PFKM: variants seen among roughly 807,000 people sequenced by gnomAD.
PFKM encodes phosphofructokinase, muscle.
Under a neutral mutation model 95.5 loss-of-function variants are expected in PFKM, and 58 were observed. The ratio of observed to expected loss-of-function variants is 0.61; its 90% confidence interval spans 0.49 to 0.76. PFKM has a LOEUF of 0.76. Ranked by LOEUF, PFKM falls within the 30% of genes least tolerant of loss-of-function variation. The pLI is 0.00. For missense variants in PFKM, 678 were observed against 1,005.4 expected (o/e 0.67, Z 4.40); for synonymous variants, 336 against 357.2 (o/e 0.94, Z 0.67).
intron 2 of PFKM, among the ~76,000 whole-genome samples, chr12:48,129,538 TC>T (rs1012955953): frequency 2.0e-5 from 3 of 152,194 alleles, no homozygotes; most frequent in Non-Finnish European, 4.4e-5. Flanking sequence ...CACCAATTCT[TC>T]CTGCACACTT....
intron 3 of PFKM, chr12:48,108,228 A>G (rs1225611249): frequency 1.3e-6 from 2 of 1,586,840 alleles, no homozygotes; most frequent in African/African-American, 1.3e-5. Context: ...AGAAATGTTC[A>G]AAGGAATATG....
At chr12:48,123,811 G>T (rs1201296976) in intron 2 of PFKM, among the ~76,000 whole-genome samples, 1 of 152,020 alleles carries the variant, frequency 6.6e-6, no homozygotes, top group Non-Finnish European at 1.5e-5. Flanking sequence ...TCTTACATAA[G>T]GCACATAAAT....
At position 48,140,200 on chromosome 12, in the gene PFKM, T is replaced by C. The variant is rs1277923041; in HGVS notation, c.1191+288T>C. The stretch of plus-strand genomic sequence containing the variant: ...TGGGAAAGAGGGCTTATGTACTTTT[T>C]CTCTGGGAAAATATGGGAATAATCA... On this transcript the variant is annotated intron_variant, in intron 13 of 22. Transcript: ENST00000359794. Among the ~76,000 whole-genome samples, 5 of 152,176 alleles carry C rather than the reference T, an allele frequency of 3.3e-5. No homozygotes were observed. The East Asian group carries it at 9.6e-4, about 29-fold the overall frequency.
chr12:48,123,480 G>A (rs1384960179), intron 2 of PFKM, among the ~76,000 whole-genome samples: 5 of 152,066 alleles, frequency 3.3e-5, no homozygotes, highest in Non-Finnish European at 4.4e-5. Context: ...TGGGAGTCAC[G>A]AAAATTAGGT....
At chr12:48,110,276 T>G (rs541687488) in intron 3 of PFKM, among the ~76,000 whole-genome samples, 1 of 151,534 alleles carries the variant, frequency 6.6e-6, no homozygotes, top group South Asian at 2.1e-4. Flanking sequence ...AGCGGGAGAG[T>G]GAACTGTACA....
intron 5 of PFKM, 93 bp downstream of exon 5, chr12:48,133,150 A>G: frequency 1.5e-6 from 2 of 1,368,890 alleles, no homozygotes; most frequent in Non-Finnish European, 2.1e-6. Flanking sequence ...TTTACCTCCC[A>G]TTGGAGAAAA....
At chr12:48,134,058 G>A (rs1018641098) in intron 6 of PFKM, among the ~76,000 whole-genome samples, 174 bp from the exon 7 acceptor site, 5 of 152,102 alleles carry the variant, frequency 3.3e-5, no homozygotes, top group African/African-American at 4.8e-5. Context: ...GGCCTAGGAA[G>A]GATACCTTGT....
Position 48,145,887 on chromosome 12 carries a change from T to C in PFKM, c.*179T>C. 1 of 633,060 alleles carries C rather than the reference T, an allele frequency of 1.6e-6. No individual in the cohort carries two copies. The highest frequency in any genetic ancestry group is 1.9e-5 in the South Asian group (1 of 52,084). 39.2% of individuals were successfully genotyped at this position (633,060 alleles called of 1,614,324 possible). A position where few individuals can be genotyped will look rare whatever the true frequency, so the allele number is the denominator to read the frequency against. ...GAGCAGGCAGTGGGTGGGAGCTCCT[T>C]TTAGGTAGAATTTAACATGACTTCT... On this transcript the variant is annotated 3_prime_UTR_variant, in exon 23 of 23. Coordinates refer to ENST00000359794, the MANE Select transcript of PFKM (RefSeq NM_000289.6). The surrounding 1 kb of genome is among the most constrained non-coding windows in gnomAD (Gnocchi z 4.3).
chr12:48,116,704 C>T (rs1304063324), upstream of PFKM, among the ~76,000 whole-genome samples: 2 of 152,186 alleles, frequency 1.3e-5, no homozygotes, highest in East Asian at 3.9e-4. Flanking sequence ...GTCTTAAATT[C>T]CGGAGCTCAA....
intron 11 of PFKM, among the ~76,000 whole-genome samples, chr12:48,139,027 C>T (rs762177116): frequency 6.6e-6 from 1 of 151,940 alleles, no homozygotes; most frequent in Non-Finnish European, 1.5e-5. Flanking sequence ...GGCGACAGAG[C>T]GAGACTCCGT....
At chr12:48,122,700 C>T (rs1182878556) in intron 1 of PFKM, 67 bp from the exon 2 acceptor site, 3 of 1,608,648 alleles carry the variant, frequency 1.9e-6, no homozygotes, top group Non-Finnish European at 8.5e-7. Context: ...AGTCTAATTG[C>T]CGTTCCTTTA....
chr12:48,111,906 A>C (rs1394717769), intron 3 of PFKM, among the ~76,000 whole-genome samples: 1 of 152,192 alleles, frequency 6.6e-6, no homozygotes, highest in Non-Finnish European at 1.5e-5. Flanking sequence ...TGTAAGGAAG[A>C]AAATAGATTT....
In PFKM at chr12:48,129,210, CTTTTTTTTTTT is replaced by C. The variant is rs778761447; in HGVS notation, c.86-1130_86-1120del. Among the ~76,000 whole-genome samples, 120 of 21,996 alleles carry C rather than the reference CTTTTTTTTTTT, an allele frequency of 5.5e-3. 1 individual carries two copies. The Middle Eastern group carries it at 0.12, about 23-fold the overall frequency. The allele number at this position is 21,996 out of a possible 152,430, so 14.4% of individuals were successfully genotyped here. ...GTTCTGTTTTGTTTTAATTTTCTTT[CTTTTTTTTTTT>C]TTTTTTTTTTTTTTTTTTTTTTACA... On this transcript the variant is annotated intron_variant, in intron 2 of 22. Transcript: ENST00000359794.
chr12:48,134,718 C>G lies in PFKM; in HGVS notation c.639-3C>G, dbSNP rs767215320. On this transcript the variant is annotated splice_polypyrimidine_tract_variant and splice_region_variant and intron_variant, in intron 7 of 22. Coordinates refer to ENST00000359794, the MANE Select transcript of PFKM (RefSeq NM_000289.6). ...AGCAGGATGCTTCTGACTCTCATCT[C>G]AGATACCTGGCCCTTGTCACCTCTC... is the stretch of plus-strand genomic sequence containing the variant. 9 of 1,604,808 alleles carry G rather than the reference C, an allele frequency of 5.6e-6. No homozygotes were observed. The highest frequency in any genetic ancestry group is 7.7e-6 in the Non-Finnish European group (9 of 1,171,444).
chr12:48,135,001 A>G lies in PFKM; in HGVS notation c.806A>G (p.Lys269Arg), dbSNP rs1565891681. 1.2e-6 allele frequency: 2 copies of G among 1,613,904 alleles called. No homozygotes were observed. The highest frequency in any genetic ancestry group is 1.7e-6 in the Non-Finnish European group (2 of 1,179,926). The change falls in exon 9 of 23, where the codon AAG becomes AGG. Residue 269 changes from lysine (K) to arginine (R), a missense_variant. Lys to Arg is a conservative substitution (Grantham distance 26). Transcript: ENST00000359794. ...IIIVAEGAIDKNGKPITSEDI... is the reference protein window; with the variant it reads ...IIIVAEGAIDRNGKPITSEDI... ...ATTGTGGCTGAGGGTGCAATTGACA[A>G]GAATGGAAAACCAATCACCTCAGAA...
At chr12:48,139,171 G>T in intron 11 of PFKM, 114 bp from the exon 12 acceptor site, 1 of 828,768 alleles carries the variant, frequency 1.2e-6, no homozygotes, top group Non-Finnish European at 2.1e-6. Flanking sequence ...GGTGTAGAAT[G>T]GACAGGATCT....
At chr12:48,128,152 A>G (rs539948288) in intron 2 of PFKM, among the ~76,000 whole-genome samples, 1 of 152,352 alleles carries the variant, frequency 6.6e-6, no homozygotes, top group East Asian at 1.9e-4. Flanking sequence ...ATTTTAAAGG[A>G]AATTGTCCTT....
chr12:48,121,325 C>T (rs1343286517), intron 1 of PFKM, among the ~76,000 whole-genome samples: 2 of 152,156 alleles, frequency 1.3e-5, no homozygotes, highest in Non-Finnish European at 2.9e-5. Flanking sequence ...ATCTATAGGA[C>T]CAACAGTTGA....
chr12:48,105,699 G>C (rs1478822033), upstream of PFKM: 1 of 469,112 alleles, frequency 2.1e-6, no homozygotes, highest in African/African-American at 2.0e-5. Context: ...CCCCGGAATC[G>C]CAACCGGCCT....
Sources: allele counts gnomAD v4.1 joint callset (sites outside exome capture counted in the v4.1 genomes callset), GRCh38; gene constraint gnomAD v4.1.1; non-coding constraint Gnocchi (gnomAD v3.1); transcripts MANE v1.5; gene names NCBI Gene and HGNC (gene_info 2026-07-23, HGNC 2026-07-21).